Variants in FLOT2 observed in about 807,000 individuals in gnomAD.
FLOT2 encodes flotillin-2.
In FLOT2, 35 loss-of-function variants were observed where a neutral mutation model predicts 54.9. The ratio of observed to expected loss-of-function variants is 0.64; its 90% confidence interval spans 0.49 to 0.84. FLOT2 has a LOEUF of 0.84. FLOT2 is among the 40% of genes least tolerant of loss of function. The pLI is 0.00. For missense variants in FLOT2, 464 were observed against 572.1 expected (o/e 0.81, Z 1.93); for synonymous variants, 207 against 228.9 (o/e 0.90, Z 0.86).
In FLOT2 at chr17:28,897,513, G is replaced by A; in HGVS notation, c.49+13C>T. On this transcript the variant is annotated intron_variant, in intron 1 of 10. Coordinates refer to ENST00000394908, the MANE Select transcript of FLOT2 (RefSeq NM_004475.3). This position sits in a 1 kb window ranked among gnomAD's most constrained non-coding sequence, Gnocchi z 4.4. ...ACCCTCCACAGCTCCCACCTTCCTC[G>A]CCGCCCCCTCACCTGAAACCACCAG... The A allele has an allele frequency of 1.9e-6, 3 of 1,602,390 alleles. No individual in the cohort carries two copies. Among genetic ancestry groups the A allele is most frequent in the Non-Finnish European group, 2.6e-6 (3 of 1,174,732 alleles).
intron 8 of FLOT2, 87 bp downstream of exon 8, chr17:28,881,727 C>T (rs1330647719): frequency 1.1e-5 from 14 of 1,241,884 alleles, no homozygotes; most frequent in Non-Finnish European, 1.6e-5. Context: ...AAGTGGCTTC[C>T]AAGCTGTGGT....
intron 2 of FLOT2, 59 bp downstream of exon 2, chr17:28,888,886 G>A (rs1397809424): frequency 7.4e-7 from 1 of 1,353,942 alleles, no homozygotes; most frequent in African/African-American, 1.4e-5. Context: ...GAACAATGCT[G>A]GAAGCCCCTC....
rs1163773448 is a variant in FLOT2, at chr17:28,881,346, T to A, written c.944A>T (p.Glu315Val). The A allele has an allele frequency of 6.2e-7, 1 of 1,613,174 alleles. No individual in the cohort carries two copies. The highest frequency in any genetic ancestry group is 1.1e-5 in the South Asian group (1 of 91,092). Residue 315 changes from glutamate to valine, a missense_variant, in exon 9 of 11, where the codon GAG becomes GTG. Transcript: ENST00000394908. ...KVKQVLLAQA[E>V]AEKIRKIGEA... is the part of the protein sequence containing the mutation. ...CCCGATTTTGCGGATCTTCTCAGCC[T>A]CTGCCTGTGCCAAGAGGACCTGCTT...
At chr17:28,890,668 G>A (rs2039634104) in intron 1 of FLOT2, among the ~76,000 whole-genome samples, 1 of 152,144 alleles carries the variant, frequency 6.6e-6, no homozygotes, top group Admixed American at 6.5e-5. Flanking sequence ...TTACAGGCGT[G>A]AGCCACTGCG....
Position 28,888,985 on chromosome 17 carries a change from C to T in FLOT2, c.91G>A (p.Gly31Ser), listed in dbSNP as rs767477760. The T allele has an allele frequency of 9.1e-5, 147 of 1,614,040 alleles. No individual in the cohort carries two copies. Among genetic ancestry groups the T allele is most frequent in the Non-Finnish European group, 1.2e-4 (142 of 1,180,028 alleles). ...GSDYKQYVFG[G>S]WAWAWWCISD... is the part of the protein sequence containing the mutation. Reference sequence around the variant, plus strand: ...ATACACCACCAGGCCCAGGCCCAGCCGCCAAACACGTACTGTTTATAGTCG... The same window carrying T: ...ATACACCACCAGGCCCAGGCCCAGCTGCCAAACACGTACTGTTTATAGTCG... Residue 31 changes from glycine to serine, a missense_variant, in exon 2 of 11, where the codon GGC (glycine) becomes AGC (serine). Physicochemically the swap from Gly to Ser is moderately conservative, Grantham distance 56. Transcript: ENST00000394908.
rs2039478829 is a variant in FLOT2, at chr17:28,882,812, G to A, written c.347-121C>T. 1.4e-6 allele frequency: 1 copy of A among 722,778 alleles called. No homozygotes were observed. The highest frequency in any genetic ancestry group is 1.8e-5 in the African/African-American group (1 of 56,938). 44.8% of individuals were successfully genotyped at this position (722,778 alleles called of 1,614,324 possible). Reference sequence around the variant, plus strand: ...GCTGCACTCTGAGCTGGGTCTTCCTGGGGTATCTTCTCAACAGCACTTAAC... The same window carrying A: ...GCTGCACTCTGAGCTGGGTCTTCCTAGGGTATCTTCTCAACAGCACTTAAC... On this transcript the variant is annotated intron_variant, in intron 4 of 10. Transcript: ENST00000394908. This position sits in a 1 kb window ranked among gnomAD's most constrained non-coding sequence, Gnocchi z 5.6.
chr17:28,888,063 A>G (rs1376542176), intron 2 of FLOT2, among the ~76,000 whole-genome samples: 1 of 152,194 alleles, frequency 6.6e-6, no homozygotes, highest in East Asian at 1.9e-4. Context: ...TGGAATCTCC[A>G]TGATTTCCCC....
At position 28,897,401 on chromosome 17, in the gene FLOT2, G is replaced by A. The variant is rs1162364199; in HGVS notation, c.49+125C>T. On this transcript the variant is annotated intron_variant, in intron 1 of 10. Coordinates refer to ENST00000394908, the MANE Select transcript of FLOT2 (RefSeq NM_004475.3). This position sits in a 1 kb window ranked among gnomAD's most constrained non-coding sequence, Gnocchi z 4.4. Reference sequence around the variant, plus strand: ...CTCTCTTGGAAGGGGCCTCAGGTGCGGCCCGGGGGCCAGCGCCCTGCGCCG... The same window carrying A: ...CTCTCTTGGAAGGGGCCTCAGGTGCAGCCCGGGGGCCAGCGCCCTGCGCCG... 2 of 883,424 alleles carry A rather than the reference G, an allele frequency of 2.3e-6. No homozygotes were observed. The highest frequency in any genetic ancestry group is 3.4e-6 in the Non-Finnish European group (2 of 596,354). The allele number at this position is 883,424 out of a possible 1,614,324, so 54.7% of individuals were successfully genotyped here. A position where few individuals can be genotyped will look rare whatever the true frequency, so the allele number is the denominator to read the frequency against.
intron 1 of FLOT2, among the ~76,000 whole-genome samples, chr17:28,891,818 G>A (rs1328220297): frequency 6.6e-6 from 1 of 152,208 alleles, no homozygotes; most frequent in Non-Finnish European, 1.5e-5. Flanking sequence ...CAAATTTTCG[G>A]TGGGTGGAGG....
chr17:28,890,750 A>ACTTT (rs1415014231), intron 1 of FLOT2, among the ~76,000 whole-genome samples: 2 of 152,096 alleles, frequency 1.3e-5, no homozygotes, highest in Non-Finnish European at 2.9e-5. Context: ...GTTCAAGGAA[A>ACTTT]CCTTCATAAA....
rs769600356 is a variant in FLOT2, at chr17:28,884,193, CG to C, written c.222+31del. 56 of 1,516,664 alleles carry C rather than the reference CG, an allele frequency of 3.7e-5. No individual in the cohort carries two copies. Among genetic ancestry groups the C allele is most frequent in the Non-Finnish European group, 4.8e-5 (52 of 1,091,916 alleles). The allele number at this position is 1,516,664 out of a possible 1,614,324, so 94.0% of individuals were successfully genotyped here. ...CCGAGTACGGGACCAGGCAGCTCAA[CG>C]GACATGCGCAGGGCTGCTGAGTTAC... On this transcript the variant is annotated intron_variant, in intron 3 of 10. Transcript: ENST00000394908. The surrounding 1 kb of genome is among the most constrained non-coding windows in gnomAD (Gnocchi z 5.1).
At position 28,897,695 on chromosome 17, in the gene FLOT2, G is replaced by T; in HGVS notation, c.-121C>A. 5.6e-6 allele frequency: 5 copies of T among 900,726 alleles called. No individual in the cohort carries two copies. Among genetic ancestry groups the T allele is most frequent in the Non-Finnish European group, 7.4e-6 (5 of 677,578 alleles). The allele number at this position is 900,726 out of a possible 1,614,324, so 55.8% of individuals were successfully genotyped here. A position where few individuals can be genotyped will look rare whatever the true frequency, so the allele number is the denominator to read the frequency against. On this transcript the variant is annotated 5_prime_UTR_variant, in exon 1 of 11. Coordinates refer to ENST00000394908, the MANE Select transcript of FLOT2 (RefSeq NM_004475.3). This position sits in a 1 kb window ranked among gnomAD's most constrained non-coding sequence, Gnocchi z 4.4. ...CCAGCGGCCGGCCGCCCGCTCGCTC[G>T]CCCGCGCCCCTCTGCGGTCGCAGCC...
At chr17:28,892,291 A>G (rs1172365073) in intron 1 of FLOT2, among the ~76,000 whole-genome samples, 1 of 141,688 alleles carries the variant, frequency 7.1e-6, no homozygotes, top group Non-Finnish European at 1.5e-5. Context: ...GTGCAGTGGG[A>G]AGGTGGTAGT....
chr17:28,884,218 AC>A lies in FLOT2; in HGVS notation c.222+6del. ...CGGACATGCGCAGGGCTGCTGAGTT[AC>A]TATACCTGGGCGACACCCGTCACAG... On this transcript the variant is annotated splice_donor_region_variant and intron_variant, in intron 3 of 10. Transcript: ENST00000394908. This position sits in a 1 kb window ranked among gnomAD's most constrained non-coding sequence, Gnocchi z 5.1. The A allele has an allele frequency of 6.2e-7, 1 of 1,605,658 alleles. No homozygotes were observed. Among genetic ancestry groups the A allele is most frequent in the Non-Finnish European group, 8.5e-7 (1 of 1,172,584 alleles).
intron 1 of FLOT2, among the ~76,000 whole-genome samples, chr17:28,894,021 A>C (rs140308907): frequency 3.8e-4 from 58 of 152,304 alleles, no homozygotes; most frequent in Admixed American, 1.2e-3. Flanking sequence ...TTCCTTCTAC[A>C]ACTCAGTATC....
chr17:28,885,891 T>C, intron 2 of FLOT2: 1 of 1,550,190 alleles, frequency 6.5e-7, no homozygotes, highest in Non-Finnish European at 8.7e-7. Context: ...TGGAACCCCC[T>C]CCGACGTCTC....
At chr17:28,890,000 A>G (rs185610526) in intron 1 of FLOT2, among the ~76,000 whole-genome samples, 1 of 152,208 alleles carries the variant, frequency 6.6e-6, no homozygotes, top group East Asian at 1.9e-4. Flanking sequence ...ACCTGTTATC[A>G]CGGGGGGTGT....
chr17:28,889,864 T>A (rs2039615152), intron 1 of FLOT2, among the ~76,000 whole-genome samples: 1 of 152,134 alleles, frequency 6.6e-6, no homozygotes, highest in African/African-American at 2.4e-5. Context: ...GGTCTCGAAC[T>A]CTTGACCTTG....
chr17:28,897,346 T>C lies in FLOT2; in HGVS notation c.49+180A>G. 1.8e-6 allele frequency: 1 copy of C among 556,400 alleles called. No homozygotes were observed. The highest frequency in any genetic ancestry group is 3.5e-5 in the East Asian group (1 of 28,478). The allele number at this position is 556,400 out of a possible 1,614,324, so 34.5% of individuals were successfully genotyped here. A position where few individuals can be genotyped will look rare whatever the true frequency, so the allele number is the denominator to read the frequency against. Reference sequence around the variant, plus strand: ...GGAGCCCCTGGTGGGTGCCCGAGGGTGCGCAGCAAGGAAAGCGTGAGCACG... The same window carrying C: ...GGAGCCCCTGGTGGGTGCCCGAGGGCGCGCAGCAAGGAAAGCGTGAGCACG... On this transcript the variant is annotated intron_variant, in intron 1 of 10. Coordinates refer to ENST00000394908, the MANE Select transcript of FLOT2 (RefSeq NM_004475.3). The surrounding 1 kb of genome is among the most constrained non-coding windows in gnomAD (Gnocchi z 4.4).
Sources: allele counts gnomAD v4.1 joint callset (sites outside exome capture counted in the v4.1 genomes callset), GRCh38; gene constraint gnomAD v4.1.1; non-coding constraint Gnocchi (gnomAD v3.1); transcripts MANE v1.5; gene names NCBI Gene and HGNC (gene_info 2026-07-23, HGNC 2026-07-21).